The following UNC79 variants were observed in gnomAD, a reference collection of about 807,000 sequenced individuals.
The protein encoded by UNC79 is protein unc-79 homolog.
Under a neutral mutation model 283.1 loss-of-function variants are expected in UNC79, and 37 were observed. The observed-to-expected ratio is 0.13, with a 90% CI of 0.10 to 0.17. The LOEUF (loss-of-function observed/expected upper bound fraction) is 0.17, where lower values mean the gene tolerates loss of function less well. Among genes scored for constraint, UNC79 ranks in the 10% least tolerant of loss-of-function variants. The probability of loss-of-function intolerance (pLI) is 1.00; values close to 1 mark genes in which losing one functional copy is unlikely to be tolerated. For synonymous variants in UNC79, 1,107 were observed against 1,200.2 expected, an observed-to-expected ratio of 0.92 and a Z score of 1.61; for missense variants, 2,272 against 3,211.1, an observed-to-expected ratio of 0.71 and a Z score of 7.07.
chr14:93,387,477 TCTTA>T (rs1016977265), intron 1 of UNC79, among the ~76,000 whole-genome samples: 1 of 152,260 alleles, frequency 6.6e-6, no homozygotes, highest in Non-Finnish European at 1.5e-5. Flanking sequence ...TAAATTTTCT[TCTTA>T]CTTTCTTCAT....
At chr14:93,529,234 G>C in intron 9 of UNC79, 52 bp from the exon 10 acceptor site, 1 of 1,598,636 alleles carries the variant, frequency 6.3e-7, no homozygotes, top group Non-Finnish European at 8.6e-7. Context: ...CATTCATGTG[G>C]AAGGAGAACA....
chr14:93,598,785 G>A (rs2065278261), intron 24 of UNC79, among the ~76,000 whole-genome samples: 1 of 152,240 alleles, frequency 6.6e-6, no homozygotes. Context: ...GCCTCCCAAA[G>A]TGCTGGGATT....
At chr14:93,340,160 A>G (rs2053672524) in intron 1 of UNC79, among the ~76,000 whole-genome samples, 1 of 152,314 alleles carries the variant, frequency 6.6e-6, no homozygotes. Context: ...TTGGACACCT[A>G]TGCTGGGTGC....
chr14:93,467,295 A>C (rs535478939), intron 1 of UNC79, among the ~76,000 whole-genome samples: 1 of 152,246 alleles, frequency 6.6e-6, no homozygotes, highest in African/African-American at 2.4e-5. Flanking sequence ...TCCTTGGCAA[A>C]GACTTATATC....
intron 2 of UNC79, among the ~76,000 whole-genome samples, chr14:93,471,463 GC>G (rs1161104414): frequency 1.3e-5 from 2 of 152,176 alleles, no homozygotes; most frequent in African/African-American, 2.4e-5. Flanking sequence ...ACTCTTCTGA[GC>G]AGGGCATTCT....
At chr14:93,502,708 A>G (rs975090094) in intron 7 of UNC79, among the ~76,000 whole-genome samples, 2 of 152,334 alleles carry the variant, frequency 1.3e-5, no homozygotes, top group Non-Finnish European at 2.9e-5. Context: ...AGGACAAAAG[A>G]TGTTACACAA....
chr14:93,354,349 C>T (rs1389768950), intron 1 of UNC79, among the ~76,000 whole-genome samples: 2 of 152,208 alleles, frequency 1.3e-5, no homozygotes, highest in Non-Finnish European at 2.9e-5. Context: ...AGATCTGAAA[C>T]TTAGGAGTGC....
chr14:93,342,429 A>AC (rs1424470223), intron 1 of UNC79, among the ~76,000 whole-genome samples: 1 of 152,148 alleles, frequency 6.6e-6, no homozygotes, highest in East Asian at 1.9e-4. Flanking sequence ...TCCTGGGCCC[A>AC]CCCCATGAAG....
Position 93,497,305 on chromosome 14 carries a change from T to G in UNC79, c.898+19T>G, listed in dbSNP as rs1467574785. The G allele has an allele frequency of 3.1e-6, 5 of 1,605,984 alleles. No homozygotes were observed. Among genetic ancestry groups the G allele is most frequent in the Non-Finnish European group, 4.2e-6 (5 of 1,178,804 alleles). ...TACACAGGTAAGAGGAGAGGAGCCCTGTGATGCCCCATCTGTATTTCTCCT... is the reference window on the plus strand; with the variant it reads ...TACACAGGTAAGAGGAGAGGAGCCCGGTGATGCCCCATCTGTATTTCTCCT... On this transcript the variant is annotated intron_variant, in intron 7 of 48. Transcript: ENST00000555664.
intron 1 of UNC79, among the ~76,000 whole-genome samples, chr14:93,378,119 TGACTGTTTACTGTCATGCTTAA>T (rs1329231560): frequency 6.6e-6 from 1 of 152,238 alleles, no homozygotes; most frequent in Non-Finnish European, 1.5e-5. Flanking sequence ...GATTCTTTGA[TGACTGTTTACTGTCATGCTTAA>T]GCTCTGGAGA....
intron 27 of UNC79, among the ~76,000 whole-genome samples, chr14:93,616,506 CTATAGGTG>C (rs961932972): frequency 1.3e-5 from 2 of 151,562 alleles, no homozygotes; most frequent in African/African-American, 4.9e-5. Flanking sequence ...GTAGCTAGGA[CTATAGGTG>C]TGTGCCACCA....
chr14:93,345,693 A>C (rs1256403527), intron 1 of UNC79, among the ~76,000 whole-genome samples: 1 of 152,152 alleles, frequency 6.6e-6, no homozygotes, highest in Non-Finnish European at 1.5e-5. Flanking sequence ...CCCGCTAAGA[A>C]GGGCCAGTGT....
At chr14:93,656,790 T>C (rs1368956408) in intron 38 of UNC79, among the ~76,000 whole-genome samples, 3 of 152,140 alleles carry the variant, frequency 2.0e-5, no homozygotes, top group African/African-American at 7.2e-5. Context: ...ATGAGCCATA[T>C]TTGTGCCACT....
chr14:93,600,024 C>T (rs977526332), intron 24 of UNC79, among the ~76,000 whole-genome samples: 1 of 151,686 alleles, frequency 6.6e-6, no homozygotes, highest in African/African-American at 2.4e-5. Context: ...CACAGTGAAA[C>T]CTCGTCTCTA....
chr14:93,523,429 G>A (rs2060413809), intron 7 of UNC79, among the ~76,000 whole-genome samples: 2 of 152,122 alleles, frequency 1.3e-5, no homozygotes, highest in Non-Finnish European at 2.9e-5. Context: ...AAATGGAATG[G>A]TAGAGGACGT....
chr14:93,431,183 G>C (rs1327371557), intron 1 of UNC79, 132 bp downstream of exon 1: 1 of 419,606 alleles, frequency 2.4e-6, no homozygotes, highest in Admixed American at 3.7e-5. Context: ...GGGCGGGTGG[G>C]GGGTGGCGGA....
intron 5 of UNC79, among the ~76,000 whole-genome samples, chr14:93,490,724 T>C (rs1012051366): frequency 2.0e-5 from 3 of 152,222 alleles, no homozygotes; most frequent in Non-Finnish European, 2.9e-5. Context: ...TCAAAGAAGA[T>C]TGAAGCTTTT....
intron 7 of UNC79, among the ~76,000 whole-genome samples, chr14:93,520,651 G>A (rs1185980897): frequency 1.3e-5 from 2 of 151,742 alleles, no homozygotes; most frequent in African/African-American, 4.8e-5. Flanking sequence ...GGGTAGTTTT[G>A]TTATGTCTCC....
rs1381269641 is a variant in UNC79, at chr14:93,660,547, ATATATATATATATATATGTGTGTGTG to A, written c.6525+1288_6525+1313del. 6.7e-5 allele frequency among the ~76,000 whole-genome samples: 8 copies of A among 119,002 alleles called. 1 individual carries two copies. Among genetic ancestry groups the A allele is most frequent in the South Asian group, 5.1e-4 (2 of 3,928 alleles). The allele number at this position is 119,002 out of a possible 152,430, so 78.1% of individuals were successfully genotyped here. On this transcript the variant is annotated intron_variant, in intron 39 of 48. Transcript: ENST00000555664. ...TATATATATATATATATATATATAT[ATATATATATATATATATGTGTGTGTG>A]TGTGTGTTCATTTTATTTTATTTTA...
Sources: allele counts gnomAD v4.1 joint callset (sites outside exome capture counted in the v4.1 genomes callset), GRCh38; gene constraint gnomAD v4.1.1; transcripts MANE v1.5; gene names NCBI Gene and HGNC (gene_info 2026-07-23, HGNC 2026-07-21).